ABCG5: variants seen among roughly 807,000 people sequenced by gnomAD.
ABCG5 encodes ATP binding cassette subfamily G member 5, also known as ATP-binding cassette sub-family G member 5.
A neutral mutation model predicts 64.5 loss-of-function variants in ABCG5; 64 were observed. The observed-to-expected ratio is 0.99, with a 90% CI of 0.81 to 1.22. ABCG5 has a LOEUF of 1.22. Ranked by LOEUF, ABCG5 falls within the 50% of genes most tolerant of loss-of-function variation. The pLI is 0.00. For missense variants in ABCG5, 908 were observed against 829.5 expected (o/e 1.09, Z -1.16); for synonymous variants, 385 against 326.3 (o/e 1.18, Z -1.94).
At position 43,818,449 on chromosome 2, in the gene ABCG5, A is replaced by G. The variant is rs143056898; in HGVS notation, c.1649+1466T>C. On this transcript the variant is annotated intron_variant, in intron 11 of 12. Coordinates refer to ENST00000405322, the MANE Select transcript of ABCG5 (RefSeq NM_022436.3). ...GCAGAGTGAAACTGTGTTTCAAAAA[A>G]ACAAAAACAAAAACAAAATACGGTT... 6.6e-5 allele frequency among the ~76,000 whole-genome samples: 10 copies of G among 152,118 alleles called. No individual in the cohort carries two copies. The East Asian group carries it at 1.7e-3, about 26-fold the overall frequency.
intron 2 of ABCG5, 93 bp downstream of exon 2, chr2:43,837,741 C>A (rs1467137803): frequency 6.5e-7 from 1 of 1,546,750 alleles, no homozygotes; most frequent in Non-Finnish European, 8.9e-7. Flanking sequence ...TAATATCAAA[C>A]CTGTGGCTTT....
rs1378141167 is a variant in ABCG5 at position 43,837,850 on chromosome 2, G to A, written c.249C>T (p.Cys83=). ...CAAGCTTACCTGAGCTTCCTAGGAT[G>A]CACATGATCTGCCCGCTCTCCACGT... is the stretch of plus-strand genomic sequence containing the variant. The part of the protein sequence containing the change: ...SLYVESGQIM[C]ILGSSGSGKT... The change falls in exon 2 of 13, where the codon TGC becomes TGT. Residue 83 remains cysteine, a synonymous_variant. Coordinates refer to ENST00000405322, the MANE Select transcript of ABCG5 (RefSeq NM_022436.3). The A allele has an allele frequency of 6.2e-7, 1 of 1,613,898 alleles. No individual in the cohort carries two copies. Among genetic ancestry groups the A allele is most frequent in the African/African-American group, 1.3e-5 (1 of 74,924 alleles).
intron 11 of ABCG5, among the ~76,000 whole-genome samples, chr2:43,814,828 A>G (rs1327634605): frequency 6.6e-6 from 1 of 152,228 alleles, no homozygotes; most frequent in East Asian, 1.9e-4. Context: ...TGTGTTTAAA[A>G]GTTTTATATA....
In ABCG5 at chr2:43,836,951, C is replaced by T. The variant is rs549238201; in HGVS notation, c.265+883G>A. Among the ~76,000 whole-genome samples the T allele has an allele frequency of 4.0e-5, 6 of 151,380 alleles. No individual in the cohort carries two copies. In the East Asian group the frequency reaches 1.2e-3, roughly 30 times the overall value. ...AGCTGAGGTGGGAGGATCACTTGAG[C>T]TCAGGAGGTTAAGGATGCAGTGAGC... On this transcript the variant is annotated intron_variant, in intron 2 of 12. Transcript: ENST00000405322.
intron 11 of ABCG5, among the ~76,000 whole-genome samples, chr2:43,817,790 A>G (rs916129927): frequency 1.3e-4 from 19 of 151,912 alleles, no homozygotes; most frequent in Non-Finnish European, 2.2e-4. Context: ...GGCACCTGTA[A>G]TCCCAGCTAC....
chr2:43,814,719 C>T (rs1666706218), intron 11 of ABCG5, 130 bp from the exon 12 acceptor site: 1 of 603,442 alleles, frequency 1.7e-6, no homozygotes, highest in Admixed American at 3.2e-5. Flanking sequence ...AAAAATGATG[C>T]TCACTATAAA....
intron 9 of ABCG5, 106 bp downstream of exon 9, chr2:43,823,807 T>C: frequency 7.4e-7 from 1 of 1,345,232 alleles, no homozygotes; most frequent in Non-Finnish European, 1.0e-6. Flanking sequence ...GGGCTGGGTT[T>C]AGCTCAGAGA....
At position 43,814,497 on chromosome 2, in the gene ABCG5, T is replaced by C; in HGVS notation, c.1742A>G (p.Tyr581Cys). Residue 581 changes from tyrosine to cysteine, a missense_variant, in exon 12 of 13, where the codon TAC becomes TGC. Coordinates refer to ENST00000405322, the MANE Select transcript of ABCG5 (RefSeq NM_022436.3). ...CSEILVVNEF[Y>C]GLNFTCGSSN... Reference sequence around the variant, plus strand: ...CTTACCACAAGTGAAATTCAGTCCGTAGAACTCATTGACTACAAGAATCTC... The same window carrying C: ...CTTACCACAAGTGAAATTCAGTCCGCAGAACTCATTGACTACAAGAATCTC... 1 of 1,606,328 alleles carries C rather than the reference T, an allele frequency of 6.2e-7. No individual in the cohort carries two copies. The highest frequency in any genetic ancestry group is 1.1e-5 in the South Asian group (1 of 90,856).
rs987417392 is a variant in ABCG5, at chr2:43,823,797, G to A, written c.1324+116C>T. The stretch of plus-strand genomic sequence containing the variant: ...TTTCCCCAGAGAGGGAACCTGGAGA[G>A]GGCTGGGTTTAGCTCAGAGAAAAAC... On this transcript the variant is annotated intron_variant, in intron 9 of 12. Coordinates refer to ENST00000405322, the MANE Select transcript of ABCG5 (RefSeq NM_022436.3). The A allele has an allele frequency of 2.0e-5, 24 of 1,219,562 alleles. No individual in the cohort carries two copies. In the Admixed American group the frequency reaches 3.3e-4, roughly 17 times the overall value. The allele number at this position is 1,219,562 out of a possible 1,614,324, so 75.5% of individuals were successfully genotyped here.
intron 11 of ABCG5, among the ~76,000 whole-genome samples, chr2:43,816,959 T>C (rs898619884): frequency 6.6e-6 from 1 of 152,130 alleles, no homozygotes; most frequent in Non-Finnish European, 1.5e-5. Flanking sequence ...ATTTCCTTTG[T>C]GTTTAAAAGA....
intron 2 of ABCG5, among the ~76,000 whole-genome samples, chr2:43,833,064 C>G (rs908225340): frequency 6.6e-6 from 1 of 152,226 alleles, no homozygotes; most frequent in African/African-American, 2.4e-5. Context: ...CCCGCCTCAG[C>G]CTCCCAAAGT....
chr2:43,829,639 C>A (rs72796727), intron 4 of ABCG5, among the ~76,000 whole-genome samples: 1 of 152,300 alleles, frequency 6.6e-6, no homozygotes, highest in Non-Finnish European at 1.5e-5. Context: ...CTGTTTCTGT[C>A]CCCCTGTACT....
At chr2:43,807,647 C>T (rs542613236), downstream of ABCG5, among the ~76,000 whole-genome samples, 66 of 149,752 alleles carry the variant, frequency 4.4e-4, no homozygotes, top group Non-Finnish European at 2.8e-4. Flanking sequence ...TTCAACTCCT[C>T]GCCTAAAGCA....
chr2:43,820,776 C>T (rs1393830703), intron 10 of ABCG5, among the ~76,000 whole-genome samples: 1 of 152,132 alleles, frequency 6.6e-6, no homozygotes, highest in Non-Finnish European at 1.5e-5. Flanking sequence ...GCCTCAGCCT[C>T]CCAAGTAGCT....
intron 6 of ABCG5, among the ~76,000 whole-genome samples, chr2:43,825,892 T>C (rs1009827285): frequency 4.6e-5 from 7 of 152,226 alleles, no homozygotes; most frequent in African/African-American, 1.7e-4. Flanking sequence ...ATTTGGAACA[T>C]GGTAGGTGCT....
At chr2:43,820,194 G>A in intron 10 of ABCG5, 94 bp from the exon 11 acceptor site, 2 of 1,460,418 alleles carry the variant, frequency 1.4e-6, no homozygotes, top group Non-Finnish European at 1.9e-6. Context: ...TTTGTGGTGA[G>A]TGGGTGGGAG....
At chr2:43,833,693 T>G (rs6716451) in intron 2 of ABCG5, among the ~76,000 whole-genome samples, 15 of 148,596 alleles carry the variant, frequency 1.0e-4, no homozygotes, top group Non-Finnish European at 1.6e-4. Flanking sequence ...CCTTTATTTA[T>G]TTATTTATTG....
chr2:43,836,940 G>C (rs1241055852), intron 2 of ABCG5, among the ~76,000 whole-genome samples: 1 of 150,850 alleles, frequency 6.6e-6, no homozygotes. Context: ...GAGGTGGGAG[G>C]ATCACTTGAG....
At chr2:43,834,816 A>G (rs913046121) in intron 2 of ABCG5, among the ~76,000 whole-genome samples, 1 of 152,242 alleles carries the variant, frequency 6.6e-6, no homozygotes, top group Non-Finnish European at 1.5e-5. Context: ...GTTCCCCTGG[A>G]GTTGGATGGC....
Sources: gnomAD v4.1 joint callset for allele counts (sites outside exome capture counted in the v4.1 genomes callset) on GRCh38, gnomAD v4.1.1 for gene constraint, MANE v1.5 for transcripts, NCBI Gene and HGNC (gene_info 2026-07-23, HGNC 2026-07-21) for gene names.